LAMC2: variants seen among roughly 807,000 people sequenced by gnomAD.
LAMC2 encodes the protein laminin subunit gamma 2, also known as laminin subunit gamma-2.
LAMC2 carries 97 observed loss-of-function variants against 140.2 expected under a neutral mutation model. The observed-to-expected ratio is 0.69, with a 90% CI of 0.59 to 0.82. The LOEUF is 0.82. Among genes scored for constraint, LAMC2 ranks in the 40% least tolerant of loss-of-function variants. LAMC2 has a pLI of 0.00. For synonymous variants in LAMC2, 513 were observed against 540.2 expected, an observed-to-expected ratio of 0.95 and a Z score of 0.70; for missense variants, 1,402 against 1,476.1, an observed-to-expected ratio of 0.95 and a Z score of 0.82.
downstream of LAMC2, among the ~76,000 whole-genome samples, chr1:183,246,659 C>T (rs999689772): frequency 1.3e-5 from 2 of 152,218 alleles, no homozygotes; most frequent in African/African-American, 2.4e-5. Flanking sequence ...GTACTTCTCT[C>T]AGCCTCTTGG....
chr1:183,246,313 G>C (rs966879163), downstream of LAMC2, among the ~76,000 whole-genome samples: 1 of 152,156 alleles, frequency 6.6e-6, no homozygotes, highest in Non-Finnish European at 1.5e-5. Flanking sequence ...GACCTGAAAA[G>C]TTATCCCTTA....
At position 183,234,462 on chromosome 1, in the gene LAMC2, G is replaced by C. The variant is rs1178868266; in HGVS notation, c.2300+16G>C. The C allele has an allele frequency of 6.2e-7, 1 of 1,604,232 alleles. No homozygotes were observed. The highest frequency in any genetic ancestry group is 1.7e-5 in the Admixed American group (1 of 59,984). On this transcript the variant is annotated intron_variant, in intron 15 of 22. Transcript: ENST00000264144. ...TAGCAGAAAGGTGAGCAGCATTAGA[G>C]GGCACCTCTGCTTCAAGCCGTCTCT...
chr1:183,233,722 A>ATATTTT (rs1226687904), intron 14 of LAMC2, among the ~76,000 whole-genome samples: 2 of 151,950 alleles, frequency 1.3e-5, no homozygotes, highest in South Asian at 2.1e-4. Flanking sequence ...GTACATGTAT[A>ATATTTT]TATTTTTATT....
At chr1:183,192,463 G>A (rs1483122107) in intron 1 of LAMC2, among the ~76,000 whole-genome samples, 1 of 152,180 alleles carries the variant, frequency 6.6e-6, no homozygotes, top group Non-Finnish European at 1.5e-5. Flanking sequence ...ACTAAAATGA[G>A]AGTGGGCCTC....
At chr1:183,242,881 G>A (rs886246207) in intron 22 of LAMC2, among the ~76,000 whole-genome samples, 16 of 149,614 alleles carry the variant, frequency 1.1e-4, no homozygotes, top group African/African-American at 3.7e-4. Context: ...ACCTTAACAC[G>A]AAAGGAAAAC....
Position 183,186,295 on chromosome 1 carries a change from G to A in LAMC2, c.-58G>A. ...GAGCGCAGAGTGAGAACCACCAACC[G>A]AGGCGCCGGGCAGCGACCCCTGCAG... On this transcript the variant is annotated 5_prime_UTR_variant, in exon 1 of 23. Coordinates refer to ENST00000264144, the MANE Select transcript of LAMC2 (RefSeq NM_005562.3). The A allele has an allele frequency of 6.5e-7, 1 of 1,543,504 alleles. No individual in the cohort carries two copies. Among genetic ancestry groups the A allele is most frequent in the East Asian group, 2.4e-5 (1 of 42,524 alleles).
intron 18 of LAMC2, among the ~76,000 whole-genome samples, 190 bp downstream of exon 18, chr1:183,237,694 C>T (rs550326508): frequency 7.2e-4 from 109 of 152,110 alleles, no homozygotes; most frequent in African/African-American, 2.6e-3. Flanking sequence ...GCGTAGGCAA[C>T]GTAGTGAGGC....
At chr1:183,234,922 G>A (rs1659907659) in intron 15 of LAMC2, among the ~76,000 whole-genome samples, 1 of 152,156 alleles carries the variant, frequency 6.6e-6, no homozygotes, top group Non-Finnish European at 1.5e-5. Context: ...TTCATCCTTG[G>A]CTCTGACTAG....
In LAMC2 at chr1:183,207,869, C is replaced by A; in HGVS notation, c.80-12C>A. 2 of 1,532,972 alleles carry A rather than the reference C, an allele frequency of 1.3e-6. No homozygotes were observed. The highest frequency in any genetic ancestry group is 1.9e-4 in the Middle Eastern group (1 of 5,212). 95.0% of individuals were successfully genotyped at this position (1,532,972 alleles called of 1,614,324 possible). A position where few individuals can be genotyped will look rare whatever the true frequency, so the allele number is the denominator to read the frequency against. On this transcript the variant is annotated splice_polypyrimidine_tract_variant and intron_variant, in intron 1 of 22. Transcript: ENST00000264144. Reference sequence around the variant, plus strand: ...TTTTTTTGACGATCTCTTTTGTATGCTTCCTCCCCAGTCTGTGATTGCAAT... The same window carrying A: ...TTTTTTTGACGATCTCTTTTGTATGATTCCTCCCCAGTCTGTGATTGCAAT...
At chr1:183,204,455 G>C (rs982572605) in intron 1 of LAMC2, among the ~76,000 whole-genome samples, 6 of 129,534 alleles carry the variant, frequency 4.6e-5, no homozygotes, top group East Asian at 4.6e-4. Flanking sequence ...CAAACAAACA[G>C]AAAAAAAAAA....
intron 7 of LAMC2, among the ~76,000 whole-genome samples, chr1:183,223,957 T>G (rs1295204470): frequency 6.6e-6 from 1 of 152,164 alleles, no homozygotes; most frequent in Non-Finnish European, 1.5e-5. Context: ...AAGTGCTCAG[T>G]AGTGCACTGG....
chr1:183,226,349 T>G (rs900494479), intron 8 of LAMC2, among the ~76,000 whole-genome samples: 2 of 152,170 alleles, frequency 1.3e-5, no homozygotes, highest in African/African-American at 4.8e-5. Flanking sequence ...CCAGATAGAT[T>G]ATAATATATG....
rs778746481 is a variant in LAMC2 at position 183,215,571 on chromosome 1, C to A, written c.387C>A (p.Thr129=). The A allele has an allele frequency of 1.2e-6, 2 of 1,613,960 alleles. No homozygotes were observed. The highest frequency in any genetic ancestry group is 1.3e-5 in the African/African-American group (1 of 74,888). ...GFHMLTDAGC[T]QDQRLLDSKC... ...ACATGCTCACGGATGCGGGGTGCAC[C>A]CAAGACCAGAGACTGCTGTGAGTAT... The change falls in exon 3 of 23, where the codon ACC becomes ACA. Residue 129 remains threonine, a synonymous_variant. Transcript: ENST00000264144.
intron 20 of LAMC2, 136 bp from the exon 21 acceptor site, chr1:183,239,904 T>G: frequency 3.0e-6 from 3 of 1,005,262 alleles, no homozygotes; most frequent in East Asian, 2.4e-5. Context: ...TCCCTAAGTC[T>G]GATTCTCTCA....
chr1:183,249,810 G>C (rs907742683), downstream of LAMC2: 2 of 151,212 alleles, frequency 1.3e-5, no homozygotes, highest in Admixed American at 1.3e-4. Context: ...ATATTAAATA[G>C]GAAACCTGTT....
At chr1:183,239,931 C>A in intron 20 of LAMC2, 109 bp from the exon 21 acceptor site, 1 of 1,194,540 alleles carries the variant, frequency 8.4e-7, no homozygotes, top group Non-Finnish European at 1.2e-6. Flanking sequence ...ATCTAATTTA[C>A]TCCATCAGGG....
intron 9 of LAMC2, among the ~76,000 whole-genome samples, chr1:183,227,311 G>A (rs1310858294): frequency 6.6e-6 from 1 of 152,136 alleles, no homozygotes; most frequent in East Asian, 1.9e-4. Context: ...TGTCTACTTT[G>A]CATAGGGGAG....
At chr1:183,209,451 C>T (rs115464138) in intron 2 of LAMC2, among the ~76,000 whole-genome samples, 5,443 of 152,232 alleles carry the variant, frequency 0.036, 316 homozygotes, top group African/African-American at 0.12. Flanking sequence ...AGTCACCCCC[C>T]AAATTCACCT....
At chr1:183,252,833 T>C in the LAMC2 span, 3 of 909,824 alleles carry the variant, frequency 3.3e-6, no homozygotes, top group Admixed American at 1.9e-5. Flanking sequence ...AGCACCCCAT[T>C]TGTAGCCTTT....
Sources: allele counts gnomAD v4.1 joint callset (sites outside exome capture counted in the v4.1 genomes callset), GRCh38; gene constraint gnomAD v4.1.1; transcripts MANE v1.5; gene names NCBI Gene and HGNC (gene_info 2026-07-23, HGNC 2026-07-21).